Variants in MECOM observed in about 807,000 individuals in gnomAD.
The protein encoded by MECOM is histone-lysine N-methyltransferase MECOM.
MECOM carries 13 observed loss-of-function variants against 116.3 expected under a neutral mutation model. The observed-to-expected ratio is 0.11, with a 90% confidence interval of 0.07 to 0.18. The LOEUF (loss-of-function observed/expected upper bound fraction) is 0.18, where lower values mean the gene tolerates loss of function less well. Among genes scored for constraint, MECOM ranks in the 10% least tolerant of loss-of-function variants. MECOM has a pLI of 1.00. For missense variants in MECOM, 1,299 were observed against 1,509.0 expected, an observed-to-expected ratio of 0.86 and a Z score of 2.31; for synonymous variants, 528 against 535.2, an observed-to-expected ratio of 0.99 and a Z score of 0.19.
intron 1 of MECOM, among the ~76,000 whole-genome samples, chr3:169,620,988 A>ATT (rs539035480): frequency 2.0e-5 from 3 of 152,222 alleles, no homozygotes; most frequent in Non-Finnish European, 4.4e-5. Context: ...CGGTCTTAAG[A>ATT]AAGTCACTTT....
intron 1 of MECOM, chr3:169,389,414 C>T (rs1733890727): frequency 3.8e-6 from 1 of 266,418 alleles, no homozygotes; most frequent in South Asian, 1.4e-4. Context: ...GTTAAGGAGC[C>T]ACCGTCACCA....
chr3:169,588,018 T>G (rs1765976535), intron 1 of MECOM, among the ~76,000 whole-genome samples: 1 of 152,214 alleles, frequency 6.6e-6, no homozygotes, highest in Non-Finnish European at 1.5e-5. Context: ...TAATTAAAAT[T>G]GTTTACCATA....
intron 2 of MECOM, among the ~76,000 whole-genome samples, chr3:169,306,543 G>A (rs570071240): frequency 1.3e-5 from 2 of 152,208 alleles, no homozygotes; most frequent in African/African-American, 2.4e-5. Flanking sequence ...TTAGCTGGAC[G>A]TGGTGGTGGG....
At chr3:169,305,261 T>A (rs926749223) in intron 2 of MECOM, among the ~76,000 whole-genome samples, 1 of 152,224 alleles carries the variant, frequency 6.6e-6, no homozygotes, top group African/African-American at 2.4e-5. Flanking sequence ...CCAGATTTTA[T>A]TATGTTACTT....
intron 1 of MECOM, among the ~76,000 whole-genome samples, chr3:169,577,606 G>C (rs1374043201): frequency 6.6e-6 from 1 of 152,090 alleles, no homozygotes; most frequent in Non-Finnish European, 1.5e-5. Flanking sequence ...CCCCATGGAG[G>C]TGTTAAATGA....
chr3:169,224,981 A>G (rs1276000058), intron 2 of MECOM, among the ~76,000 whole-genome samples: 1 of 152,226 alleles, frequency 6.6e-6, no homozygotes, highest in East Asian at 1.9e-4. Flanking sequence ...AAAAAAATTC[A>G]CAAAGTCTGC....
intron 1 of MECOM, among the ~76,000 whole-genome samples, chr3:169,556,932 TTTA>T (rs1365784490): frequency 3.9e-5 from 6 of 152,078 alleles, no homozygotes; most frequent in Non-Finnish European, 7.4e-5. Flanking sequence ...AATAAAAAAT[TTTA>T]TTGTTTAAAG....
At chr3:169,165,876 C>T (rs1743516138) in intron 2 of MECOM, among the ~76,000 whole-genome samples, 1 of 152,022 alleles carries the variant, frequency 6.6e-6, no homozygotes, top group South Asian at 2.1e-4. Flanking sequence ...GTTTAGATAG[C>T]AGCTTTCAAA....
intron 2 of MECOM, among the ~76,000 whole-genome samples, chr3:169,344,528 C>A (rs1725044511): frequency 6.6e-6 from 1 of 152,116 alleles, no homozygotes; most frequent in Non-Finnish European, 1.5e-5. Flanking sequence ...GAATTCTAGG[C>A]TTTGTTTTGC....
In MECOM at chr3:169,133,902, T is replaced by C; in HGVS notation, c.511-2371A>G. ...GAAAACAATGGACTTCTCTCAACAG[T>C]TTGAATCACCTCTTTTTTTGGCATC... On this transcript the variant is annotated intron_variant, in intron 3 of 16. Coordinates refer to ENST00000651503, the MANE Select transcript of MECOM (RefSeq NM_004991.4). 3 of 1,287,448 alleles carry C rather than the reference T, an allele frequency of 2.3e-6. No individual in the cohort carries two copies. In the South Asian group the frequency reaches 3.7e-5, roughly 16 times the overall value. 79.8% of individuals were successfully genotyped at this position (1,287,448 alleles called of 1,614,324 possible).
At chr3:169,143,138 G>C (rs1005898852) in intron 3 of MECOM, among the ~76,000 whole-genome samples, 1 of 151,930 alleles carries the variant, frequency 6.6e-6, no homozygotes, top group Non-Finnish European at 1.5e-5. Context: ...TCACAAAGCA[G>C]TTTCCAGCAG....
chr3:169,167,345 T>C (rs963279473), intron 2 of MECOM, among the ~76,000 whole-genome samples: 4 of 152,192 alleles, frequency 2.6e-5, no homozygotes, highest in Non-Finnish European at 5.9e-5. Context: ...CTGCAAGCCA[T>C]TGGGCTTTCC....
intron 9 of MECOM, among the ~76,000 whole-genome samples, chr3:169,112,103 C>T (rs995619182): frequency 6.6e-6 from 1 of 152,082 alleles, no homozygotes; most frequent in African/African-American, 2.4e-5. Context: ...TCTTTCAATA[C>T]GATTTTCCAC....
At chr3:169,218,207 A>G (rs1036635702) in intron 2 of MECOM, among the ~76,000 whole-genome samples, 1 of 152,200 alleles carries the variant, frequency 6.6e-6, no homozygotes, top group African/African-American at 2.4e-5. Context: ...GAAAAGTTAC[A>G]GGAAAAAAAA....
chr3:169,416,838 C>G (rs1011914743), intron 1 of MECOM, among the ~76,000 whole-genome samples: 1 of 151,904 alleles, frequency 6.6e-6, no homozygotes, highest in African/African-American at 2.4e-5. Context: ...ACAAAACTGA[C>G]AAAAACAAGC....
intron 1 of MECOM, among the ~76,000 whole-genome samples, chr3:169,652,289 C>T (rs1775017056): frequency 6.6e-6 from 1 of 152,168 alleles, no homozygotes; most frequent in Non-Finnish European, 1.5e-5. Flanking sequence ...GCTATTCCAT[C>T]CCTCCATTCG....
At chr3:169,563,300 C>G (rs1762867264) in intron 1 of MECOM, among the ~76,000 whole-genome samples, 1 of 152,328 alleles carries the variant, frequency 6.6e-6, no homozygotes, top group East Asian at 1.9e-4. Context: ...CCAACTCCAC[C>G]TTCTCAGGCC....
intron 2 of MECOM, among the ~76,000 whole-genome samples, chr3:169,149,977 GTCTGTC>G (rs1259775693): frequency 3.9e-4 from 52 of 134,626 alleles, no homozygotes; most frequent in African/African-American, 1.4e-3. Flanking sequence ...GTGTGTGTGT[GTCTGTC>G]TGTCTGTCTG....
intron 1 of MECOM, among the ~76,000 whole-genome samples, chr3:169,658,805 G>A (rs1002252193): frequency 6.6e-6 from 1 of 152,128 alleles, no homozygotes; most frequent in Non-Finnish European, 1.5e-5. Context: ...ACCAGGAGAT[G>A]ACAAGTCAAG....
Sources: allele counts gnomAD v4.1 joint callset (sites outside exome capture counted in the v4.1 genomes callset), GRCh38; gene constraint gnomAD v4.1.1; transcripts MANE v1.5; gene names NCBI Gene and HGNC (gene_info 2026-07-23, HGNC 2026-07-21).